The following PCP4 variants were observed in gnomAD, a reference collection of about 807,000 sequenced individuals.
PCP4 encodes Purkinje cell protein 4, also known as calmodulin regulator protein PCP4.
Under a neutral mutation model 10.0 loss-of-function variants are expected in PCP4, and 8 were observed. That is an observed-to-expected ratio of 0.80 (90% confidence interval 0.47 to 1.45). The LOEUF (loss-of-function observed/expected upper bound fraction) is 1.45. Ranked by LOEUF, PCP4 falls within the 40% of genes most tolerant of loss-of-function variation. The probability of loss-of-function intolerance (pLI) is 0.00; values close to 1 mark genes in which losing one functional copy is unlikely to be tolerated. For missense variants in PCP4, 54 were observed against 74.4 expected (o/e 0.73, Z 1.01); for synonymous variants, 21 against 23.0 (o/e 0.91, Z 0.24).
At chr21:39,881,182 G>A (rs1283497619) in intron 1 of PCP4, among the ~76,000 whole-genome samples, 1 of 152,004 alleles carries the variant, frequency 6.6e-6, no homozygotes, top group African/African-American at 2.4e-5. Context: ...ATACAATCTT[G>A]GGCTTCTACT....
At chr21:39,880,842 G>A (rs1288101800) in intron 1 of PCP4, among the ~76,000 whole-genome samples, 1 of 152,178 alleles carries the variant, frequency 6.6e-6, no homozygotes, top group African/African-American at 2.4e-5. Flanking sequence ...ATTTGTAAGT[G>A]CCTTGTCCCT....
chr21:39,890,946 T>C (rs973948944), intron 1 of PCP4, among the ~76,000 whole-genome samples: 1 of 152,160 alleles, frequency 6.6e-6, no homozygotes, highest in Admixed American at 6.5e-5. Flanking sequence ...ATGTTTGGGA[T>C]GCCAGCACAT....
intron 1 of PCP4, among the ~76,000 whole-genome samples, chr21:39,882,864 T>C (rs1034061308): frequency 1.3e-5 from 2 of 152,250 alleles, no homozygotes; most frequent in Non-Finnish European, 2.9e-5. Flanking sequence ...CTTCTAGGGA[T>C]GGGGAGAGAA....
intron 1 of PCP4, among the ~76,000 whole-genome samples, chr21:39,873,495 G>T (rs1189673141): frequency 6.6e-6 from 1 of 151,896 alleles, no homozygotes; most frequent in African/African-American, 2.4e-5. Context: ...AAATTTATAT[G>T]CAAAAAGGGA....
At chr21:39,889,931 C>T (rs2146332827) in intron 1 of PCP4, among the ~76,000 whole-genome samples, 1 of 152,248 alleles carries the variant, frequency 6.6e-6, no homozygotes, top group Non-Finnish European at 1.5e-5. Flanking sequence ...GTGTACTGGG[C>T]TGAATTATTT....
intron 2 of PCP4, among the ~76,000 whole-genome samples, chr21:39,919,261 C>T (rs200092594): frequency 5.9e-5 from 9 of 152,308 alleles, no homozygotes; most frequent in Middle Eastern, 3.4e-3. Flanking sequence ...CACAGAACTC[C>T]GCATCAATTA....
chr21:39,874,199 G>C (rs895829170), intron 1 of PCP4, among the ~76,000 whole-genome samples: 2 of 152,198 alleles, frequency 1.3e-5, no homozygotes, highest in African/African-American at 2.4e-5. Context: ...AGAATAGAGA[G>C]CAGGGGAGTC....
chr21:39,888,892 T>C (rs888831198), intron 1 of PCP4, among the ~76,000 whole-genome samples: 14 of 152,240 alleles, frequency 9.2e-5, no homozygotes, highest in African/African-American at 3.4e-4. Flanking sequence ...CTTTGCACAT[T>C]GGTAAAGGTA....
At chr21:39,877,760 GTTTTC>G (rs1470241592) in intron 1 of PCP4, among the ~76,000 whole-genome samples, 2 of 152,094 alleles carry the variant, frequency 1.3e-5, no homozygotes, top group African/African-American at 4.8e-5. Flanking sequence ...TGTTGGCAAA[GTTTTC>G]TTTTGTTTTG....
intron 1 of PCP4, among the ~76,000 whole-genome samples, chr21:39,891,955 A>G (rs2087434262): frequency 6.6e-6 from 1 of 152,236 alleles, no homozygotes; most frequent in South Asian, 2.1e-4. Flanking sequence ...GCACAGCACC[A>G]CAGGGAGGGG....
At chr21:39,898,390 G>A (rs774991721) in intron 1 of PCP4, 86 bp from the exon 2 acceptor site, 20 of 1,037,488 alleles carry the variant, frequency 1.9e-5, no homozygotes, top group Admixed American at 5.1e-5. Context: ...TATAATGCAA[G>A]AGATGTTTGC....
intron 2 of PCP4, among the ~76,000 whole-genome samples, chr21:39,907,198 C>T (rs997145485): frequency 6.7e-6 from 1 of 149,928 alleles, no homozygotes; most frequent in Non-Finnish European, 1.5e-5. Context: ...GTAGATCTCC[C>T]TCTCAAGCTA....
At chr21:39,885,763 C>T (rs964049793) in intron 1 of PCP4, among the ~76,000 whole-genome samples, 10 of 152,242 alleles carry the variant, frequency 6.6e-5, no homozygotes, top group African/African-American at 1.4e-4. Context: ...AGACTTTGCC[C>T]GGCTTTCTTT....
At chr21:39,881,171 T>C (rs1031631891) in intron 1 of PCP4, among the ~76,000 whole-genome samples, 12 of 152,302 alleles carry the variant, frequency 7.9e-5, no homozygotes, top group African/African-American at 2.6e-4. Flanking sequence ...CTTCCAAAAG[T>C]ATACAATCTT....
At chr21:39,919,690 G>C (rs1458597254) in intron 2 of PCP4, among the ~76,000 whole-genome samples, 1 of 151,562 alleles carries the variant, frequency 6.6e-6, no homozygotes, top group African/African-American at 2.4e-5. Flanking sequence ...TCTAATGTGT[G>C]TATGTCTATG....
At chr21:39,871,908 T>C (rs996311091) in intron 1 of PCP4, among the ~76,000 whole-genome samples, 4 of 152,340 alleles carry the variant, frequency 2.6e-5, no homozygotes, top group African/African-American at 7.2e-5. Context: ...TATTAAAGGT[T>C]TAGTGAAGTA....
In PCP4 at chr21:39,917,338, G is replaced by C. The variant is rs1384315595; in HGVS notation, c.62-11646G>C. On this transcript the variant is annotated intron_variant, in intron 2 of 2. Transcript: ENST00000328619. Reference sequence around the variant, plus strand: ...AGAAGGTGGGATCTTCCTGTGGTTGGCTGGCCCCTGATGCGCACTTCTGCC... The same window carrying C: ...AGAAGGTGGGATCTTCCTGTGGTTGCCTGGCCCCTGATGCGCACTTCTGCC... Among the ~76,000 whole-genome samples, 4 of 152,154 alleles carry C rather than the reference G, an allele frequency of 2.6e-5. No homozygotes were observed. The East Asian group carries it at 5.8e-4, about 22-fold the overall frequency.
chr21:39,887,851 A>T (rs1310362671), intron 1 of PCP4, among the ~76,000 whole-genome samples: 1 of 152,224 alleles, frequency 6.6e-6, no homozygotes, highest in Non-Finnish European at 1.5e-5. Flanking sequence ...AGCAGACAAG[A>T]AACCCTTAGA....
intron 1 of PCP4, among the ~76,000 whole-genome samples, chr21:39,875,685 A>T (rs926295797): frequency 1.3e-5 from 2 of 152,230 alleles, no homozygotes; most frequent in Non-Finnish European, 2.9e-5. Context: ...CTGCAGATCC[A>T]TAACAGAACT....
Sources: gnomAD v4.1 joint callset for allele counts (sites outside exome capture counted in the v4.1 genomes callset) on GRCh38, gnomAD v4.1.1 for gene constraint, MANE v1.5 for transcripts, NCBI Gene and HGNC (gene_info 2026-07-23, HGNC 2026-07-21) for gene names.